Variants in SPATA19 observed in about 807,000 individuals in gnomAD.
SPATA19 encodes spermatogenesis associated 19.
In SPATA19, 19 loss-of-function variants were observed where a neutral mutation model predicts 25.0. The observed-to-expected ratio is 0.76, with a 90% CI of 0.53 to 1.11. SPATA19 has a LOEUF of 1.11. Ranked by LOEUF, SPATA19 falls within the 50% of genes most tolerant of loss-of-function variation. The probability of loss-of-function intolerance (pLI) is 0.00; values close to 1 mark genes in which losing one functional copy is unlikely to be tolerated. For missense variants in SPATA19, 222 were observed against 211.4 expected, an observed-to-expected ratio of 1.05 and a Z score of -0.31; for synonymous variants, 64 against 69.3, an observed-to-expected ratio of 0.92 and a Z score of 0.38.
At chr11:133,836,759 A>C (rs1938219558), downstream of SPATA19, among the ~76,000 whole-genome samples, 2 of 152,210 alleles carry the variant, frequency 1.3e-5, no homozygotes. Flanking sequence ...TGTAAAATTC[A>C]TCTGCCTCAT....
At chr11:133,839,545 G>A (rs990661176), downstream of SPATA19, among the ~76,000 whole-genome samples, 1 of 145,346 alleles carries the variant, frequency 6.9e-6, no homozygotes, top group Non-Finnish European at 1.5e-5. Flanking sequence ...GTAGGGGAGG[G>A]GGGAGGGATA....
At chr11:133,837,605 G>T (rs1179181113), downstream of SPATA19, among the ~76,000 whole-genome samples, 1 of 152,080 alleles carries the variant, frequency 6.6e-6, no homozygotes, top group Non-Finnish European at 1.5e-5. Flanking sequence ...AGCCAGCCTG[G>T]GAGAAGGGGA....
At position 133,842,488 on chromosome 11, in the gene SPATA19, C is replaced by A. The variant is rs779926857; in HGVS notation, c.434G>T (p.Arg145Leu). 4.3e-6 allele frequency: 7 copies of A among 1,613,466 alleles called. No homozygotes were observed. The highest frequency in any genetic ancestry group is 5.9e-6 in the Non-Finnish European group (7 of 1,179,376). Residue 145 changes from arginine to leucine, a missense_variant, in exon 5 of 7, where the codon CGA becomes CTA. Coordinates refer to ENST00000299140, the MANE Select transcript of SPATA19 (RefSeq NM_174927.3). ...IMRDRIEQVRRSISRLTDVSA... is the reference protein window; with the variant it reads ...IMRDRIEQVRLSISRLTDVSA... ...CAAGCAGTTCCAAACAGCTTACCTTCGTCTCACCTGCTCTATTCGATCTCG... is the reference window on the plus strand; with the variant it reads ...CAAGCAGTTCCAAACAGCTTACCTTAGTCTCACCTGCTCTATTCGATCTCG...
chr11:133,843,450 G>A (rs564256260), intron 4 of SPATA19, among the ~76,000 whole-genome samples: 1 of 152,270 alleles, frequency 6.6e-6, no homozygotes, highest in South Asian at 2.1e-4. Context: ...GTGCATTTGA[G>A]TCTTCCTAAA....
chr11:133,841,649 C>T lies in SPATA19; in HGVS notation c.*9+381G>A, dbSNP rs75998210. On this transcript the variant is annotated intron_variant, in intron 6 of 6. Coordinates refer to ENST00000299140, the MANE Select transcript of SPATA19 (RefSeq NM_174927.3). The stretch of plus-strand genomic sequence containing the variant: ...CTACACAGCATCACTCCTGACACTA[C>T]GATCTGTGACTCAAGGTGAGGTCAG... 8.9e-3 allele frequency among the ~76,000 whole-genome samples: 1,358 copies of T among 152,312 alleles called. 20 individuals are homozygous for T. Among genetic ancestry groups the T allele is most frequent in the African/African-American group, 0.031 (1,292 of 41,554 alleles).
At chr11:133,836,079 C>T (rs1344115866), downstream of SPATA19, among the ~76,000 whole-genome samples, 1 of 152,240 alleles carries the variant, frequency 6.6e-6, no homozygotes, top group African/African-American at 2.4e-5. Flanking sequence ...TTAACCAGGT[C>T]TCCACTTGCC....
At chr11:133,844,777 A>T (rs2282604) in intron 2 of SPATA19, 137 bp from the exon 3 acceptor site, 3 of 1,026,330 alleles carry the variant, frequency 2.9e-6, no homozygotes, top group Non-Finnish European at 4.2e-6. Flanking sequence ...TCCTTACCTC[A>T]CTGTTCCCAC....
chr11:133,842,174 G>A (rs1377463285), intron 5 of SPATA19, 69 bp from the exon 6 acceptor site: 15 of 1,481,364 alleles, frequency 1.0e-5, no homozygotes, highest in Admixed American at 5.0e-5. Flanking sequence ...CCCAGACCAC[G>A]GCACAGGGGC....
chr11:133,838,936 A>T (rs1229256276), downstream of SPATA19, among the ~76,000 whole-genome samples: 3 of 152,256 alleles, frequency 2.0e-5, no homozygotes, highest in Non-Finnish European at 4.4e-5. Flanking sequence ...AAAAATGCTC[A>T]TCACCACTGG....
downstream of SPATA19, among the ~76,000 whole-genome samples, chr11:133,836,450 C>A (rs545662813): frequency 1.3e-5 from 2 of 152,214 alleles, no homozygotes; most frequent in Non-Finnish European, 2.9e-5. Flanking sequence ...AAGCTCACCA[C>A]CAACAACAAC....
At chr11:133,839,864 G>T (rs916226692), downstream of SPATA19, among the ~76,000 whole-genome samples, 1 of 151,846 alleles carries the variant, frequency 6.6e-6, no homozygotes, top group South Asian at 2.1e-4. Context: ...AAGAATACCC[G>T]CAAAAAAGAG....
At chr11:133,836,524 G>A (rs1938216822), downstream of SPATA19, among the ~76,000 whole-genome samples, 1 of 152,194 alleles carries the variant, frequency 6.6e-6, no homozygotes, top group African/African-American at 2.4e-5. Context: ...GCTCTGGCAT[G>A]AGACCATTTG....
chr11:133,844,094 A>G (rs892906920), intron 4 of SPATA19, 152 bp downstream of exon 4: 1 of 646,272 alleles, frequency 1.5e-6, no homozygotes, highest in East Asian at 2.6e-5. Context: ...TCAAGATAGC[A>G]AGGATATTCC....
Position 133,841,958 on chromosome 11 carries a change from C to A in SPATA19, c.*9+72G>T. The A allele has an allele frequency of 2.9e-6, 4 of 1,393,130 alleles. No individual in the cohort carries two copies. The South Asian group carries it at 4.6e-5, about 16-fold the overall frequency. The allele number at this position is 1,393,130 out of a possible 1,614,324, so 86.3% of individuals were successfully genotyped here. The stretch of plus-strand genomic sequence containing the variant: ...CTAAGCCTCTTTACCAAGTTCCCAG[C>A]TGCAGTGCCCCTTCCCACTGCCCAG... On this transcript the variant is annotated intron_variant, in intron 6 of 6. Coordinates refer to ENST00000299140, the MANE Select transcript of SPATA19 (RefSeq NM_174927.3).
intron 6 of SPATA19, among the ~76,000 whole-genome samples, 200 bp from the exon 7 acceptor site, chr11:133,841,123 C>G (rs2723607): frequency 0.32 from 48,785 of 152,022 alleles, 8,986 homozygotes; most frequent in East Asian, 0.6. Context: ...CAAGACAACC[C>G]TCCAAAGTAG....
intron 5 of SPATA19, 114 bp downstream of exon 5, chr11:133,842,371 G>C (rs1190773935): frequency 1.2e-6 from 1 of 851,404 alleles, no homozygotes; most frequent in African/African-American, 1.7e-5. Context: ...CTCTGCTCTT[G>C]ATGTTGGCAT....
chr11:133,844,762 T>G, intron 2 of SPATA19, 122 bp from the exon 3 acceptor site: 1 of 1,152,862 alleles, frequency 8.7e-7, no homozygotes, highest in Non-Finnish European at 1.2e-6. Flanking sequence ...TTCACACACA[T>G]ACACTCCTTA....
chr11:133,838,827 T>C (rs991453213), downstream of SPATA19, among the ~76,000 whole-genome samples: 38 of 152,152 alleles, frequency 2.5e-4, no homozygotes, highest in African/African-American at 8.2e-4. Flanking sequence ...CTTAAACAAA[T>C]TTACAAGAAA....
chr11:133,836,615 A>G (rs1031102689), downstream of SPATA19, among the ~76,000 whole-genome samples: 2 of 152,222 alleles, frequency 1.3e-5, no homozygotes, highest in African/African-American at 2.4e-5. Context: ...ACTGTCCCTC[A>G]TCTGTAAAAT....
Sources: gnomAD v4.1 joint callset for allele counts (sites outside exome capture counted in the v4.1 genomes callset) on GRCh38, gnomAD v4.1.1 for gene constraint, MANE v1.5 for transcripts, NCBI Gene and HGNC (gene_info 2026-07-23, HGNC 2026-07-21) for gene names.